FGL1: variants seen among roughly 807,000 people sequenced by gnomAD.
FGL1 encodes fibrinogen-like protein 1.
FGL1 carries 59 observed loss-of-function variants against 43.7 expected under a neutral mutation model. The ratio of observed to expected loss-of-function variants is 1.35; its 90% CI spans 1.10 to 1.68. The LOEUF (loss-of-function observed/expected upper bound fraction) is 1.68. Among genes scored for constraint, FGL1 ranks in the 40% most tolerant of loss-of-function variants. The pLI is 0.00. For missense variants in FGL1, 596 were observed against 373.0 expected (o/e 1.60, Z -4.92); for synonymous variants, 192 against 126.5 (o/e 1.52, Z -3.48).
intron 7 of FGL1, 94 bp downstream of exon 7, chr8:17,868,454 A>C: frequency 1.1e-6 from 1 of 912,256 alleles, no homozygotes; most frequent in Non-Finnish European, 1.5e-6. Flanking sequence ...TTATAAATAA[A>C]GACTAACATT....
chr8:17,891,593 G>A (rs944837800), intron 1 of FGL1: 23 of 674,938 alleles, frequency 3.4e-5, no homozygotes, highest in African/African-American at 5.9e-5. Context: ...TAAAAGTTAG[G>A]AATGTACATG....
intron 2 of FGL1, among the ~76,000 whole-genome samples, chr8:17,883,862 T>C (rs1359644272): frequency 1.3e-5 from 2 of 149,818 alleles, no homozygotes; most frequent in African/African-American, 4.9e-5. Flanking sequence ...CAGATATCTT[T>C]TCTAGGATGA....
chr8:17,875,660 A>C (rs2053445772), intron 3 of FGL1, among the ~76,000 whole-genome samples: 1 of 150,498 alleles, frequency 6.6e-6, no homozygotes, highest in Non-Finnish European at 1.5e-5. Flanking sequence ...GCTGGAGTGC[A>C]ATGGTGCTAT....
At chr8:17,880,638 C>T (rs2517320) in intron 3 of FGL1, among the ~76,000 whole-genome samples, 30,310 of 152,100 alleles carry the variant, frequency 0.2, 4,218 homozygotes, top group African/African-American at 0.39. Context: ...TTCTAGACCT[C>T]ACAGAGTGCC....
intron 7 of FGL1, among the ~76,000 whole-genome samples, chr8:17,867,835 C>G (rs2653418): frequency 6.6e-6 from 1 of 152,020 alleles, no homozygotes; most frequent in Admixed American, 6.6e-5. Flanking sequence ...TTTGGGAGGC[C>G]GGGGTAGGTG....
rs1390438125 is a variant in FGL1 at position 17,868,728 on chromosome 8, TA to T, written c.598del (p.Tyr200ThrfsTer3). 1 of 1,608,864 alleles carries T rather than the reference TA, an allele frequency of 6.2e-7. No homozygotes were observed. The highest frequency in any genetic ancestry group is 8.5e-7 in the Non-Finnish European group (1 of 1,177,704). ...AGAATATTCCCCAATATTCAACTCG[TA>T]GAAATTCTAAAGAAAAAGGGCATTT... ...NFKVGDEKNF[Y>X]ELNIGEYSGT... On this transcript the variant is annotated frameshift_variant, in exon 7 of 8. Transcript: ENST00000427924. LOFTEE classifies it high-confidence loss of function.
chr8:17,887,180 T>C (rs1761418939), intron 1 of FGL1, among the ~76,000 whole-genome samples: 1 of 152,118 alleles, frequency 6.6e-6, no homozygotes, highest in Admixed American at 6.6e-5. Context: ...CCTACCACTT[T>C]CCAGGCCAAA....
intron 1 of FGL1, among the ~76,000 whole-genome samples, chr8:17,886,550 G>C (rs1462046187): frequency 6.6e-6 from 1 of 152,112 alleles, no homozygotes; most frequent in Non-Finnish European, 1.5e-5. Context: ...TCGAGGTCAG[G>C]AGCTCGAGAC....
intron 1 of FGL1, 85 bp from the exon 2 acceptor site, chr8:17,885,656 G>A: frequency 8.9e-7 from 1 of 1,126,632 alleles, no homozygotes; most frequent in Non-Finnish European, 1.3e-6. Flanking sequence ...GCTCCAGGAA[G>A]TCGGATGCAG....
chr8:17,881,138 ATT>A (rs34570292), intron 3 of FGL1, among the ~76,000 whole-genome samples: 75,285 of 142,928 alleles, frequency 0.53, 21,736 homozygotes, highest in Middle Eastern at 0.68. Context: ...GTGTACACGG[ATT>A]TTTTTTTTTT....
chr8:17,890,537 T>C (rs2053689237), intron 1 of FGL1, among the ~76,000 whole-genome samples: 2 of 152,140 alleles, frequency 1.3e-5, no homozygotes, highest in Non-Finnish European at 2.9e-5. Context: ...ATCCTTCAGG[T>C]CTTTGCTCAG....
intron 2 of FGL1, chr8:17,882,503 A>C (rs2053552344): frequency 5.4e-6 from 1 of 184,122 alleles, no homozygotes; most frequent in South Asian, 1.3e-4. Context: ...CTTGATGCCC[A>C]GTGGGTAAGC....
At chr8:17,868,354 C>A (rs2653416) in intron 7 of FGL1, 194 bp downstream of exon 7, 299,850 of 396,182 alleles carry the variant, frequency 0.76, 115,412 homozygotes, top group African/African-American at 0.83. Context: ...ATGACATTTA[C>A]ACTTTACTAA....
intron 1 of FGL1, among the ~76,000 whole-genome samples, chr8:17,893,439 A>T (rs1453183897): frequency 6.7e-6 from 1 of 149,974 alleles, no homozygotes; most frequent in Admixed American, 6.7e-5. Flanking sequence ...TTATATATAC[A>T]TTATATAAGG....
intron 7 of FGL1, among the ~76,000 whole-genome samples, chr8:17,867,419 GA>G (rs1455600505): frequency 6.6e-6 from 1 of 151,820 alleles, no homozygotes. Flanking sequence ...GTGTAGGAAG[GA>G]AAAAAACCAT....
At chr8:17,894,550 T>C (rs7007168) in intron 1 of FGL1, among the ~76,000 whole-genome samples, 81,523 of 146,368 alleles carry the variant, frequency 0.56, 27,038 homozygotes, top group Middle Eastern at 0.7. Flanking sequence ...TTTTGACTTC[T>C]GAAGTGAAAA....
At chr8:17,883,346 T>C (rs1308412798) in intron 2 of FGL1, among the ~76,000 whole-genome samples, 1 of 110,246 alleles carries the variant, frequency 9.1e-6, no homozygotes, top group Non-Finnish European at 1.6e-5. Flanking sequence ...AAATAATATA[T>C]AATATAATAA....
chr8:17,885,672 G>A (rs1290932447), intron 1 of FGL1, 101 bp from the exon 2 acceptor site: 2 of 888,048 alleles, frequency 2.3e-6, no homozygotes, highest in East Asian at 5.2e-5. Context: ...TGCAGCCGCA[G>A]GCCATCCCTA....
chr8:17,872,681 A>G (rs1218210154), intron 5 of FGL1, among the ~76,000 whole-genome samples: 2 of 152,158 alleles, frequency 1.3e-5, no homozygotes, highest in African/African-American at 2.4e-5. Flanking sequence ...AGGATTCAGG[A>G]TCAGACTTGA....
Sources: allele counts gnomAD v4.1 joint callset (sites outside exome capture counted in the v4.1 genomes callset), GRCh38; gene constraint gnomAD v4.1.1; transcripts MANE v1.5; gene names NCBI Gene and HGNC (gene_info 2026-07-23, HGNC 2026-07-21).